The following CTNNA3 variants were observed in gnomAD, a reference collection of about 807,000 sequenced individuals.
The protein encoded by CTNNA3 is catenin alpha-3.
A neutral mutation model predicts 95.7 loss-of-function variants in CTNNA3; 76 were observed. The observed-to-expected ratio is 0.79, with a 90% CI of 0.66 to 0.96. CTNNA3 has a LOEUF of 0.96. Among genes scored for constraint, CTNNA3 ranks in the 40% least tolerant of loss-of-function variants. CTNNA3 has a pLI of 0.00. For missense variants in CTNNA3, 1,191 were observed against 1,089.8 expected, an observed-to-expected ratio of 1.09 and a Z score of -1.31; for synonymous variants, 431 against 374.4, an observed-to-expected ratio of 1.15 and a Z score of -1.74.
chr10:66,440,889 G>A (rs553348655), intron 11 of CTNNA3, among the ~76,000 whole-genome samples: 9 of 152,132 alleles, frequency 5.9e-5, no homozygotes, highest in Non-Finnish European at 1.2e-4. Flanking sequence ...AAACATGTCT[G>A]TTTCTCTAAG....
intron 1 of CTNNA3, among the ~76,000 whole-genome samples, chr10:67,681,112 T>C (rs1436743934): frequency 2.0e-5 from 3 of 152,186 alleles, no homozygotes; most frequent in Admixed American, 2.0e-4. Context: ...AAATTGAACA[T>C]TACAGAAGTG....
intron 7 of CTNNA3, among the ~76,000 whole-genome samples, chr10:67,161,976 T>G (rs1274254850): frequency 6.6e-6 from 1 of 152,012 alleles, no homozygotes; most frequent in Non-Finnish European, 1.5e-5. Flanking sequence ...CAAGAAGACA[T>G]AGCTAGCCTA....
At chr10:67,091,556 A>C (rs1216567679) in intron 7 of CTNNA3, among the ~76,000 whole-genome samples, 2 of 152,088 alleles carry the variant, frequency 1.3e-5, no homozygotes, top group East Asian at 3.9e-4. Context: ...CATTTAAATT[A>C]AAAATATAGC....
intron 1 of CTNNA3, among the ~76,000 whole-genome samples, chr10:67,650,887 C>G (rs1019945044): frequency 6.6e-6 from 1 of 152,062 alleles, no homozygotes; most frequent in Admixed American, 6.5e-5. Context: ...GGTTGCCATT[C>G]CCTCACAAAT....
intron 11 of CTNNA3, among the ~76,000 whole-genome samples, chr10:66,440,326 T>G (rs2093366563): frequency 6.6e-6 from 1 of 152,190 alleles, no homozygotes; most frequent in Non-Finnish European, 1.5e-5. Context: ...TCATTTTCTA[T>G]TTCAGATTTG....
intron 9 of CTNNA3, among the ~76,000 whole-genome samples, chr10:66,755,659 T>C (rs1009791956): frequency 6.6e-6 from 1 of 152,110 alleles, no homozygotes; most frequent in African/African-American, 2.4e-5. Context: ...ACTCAGTAAA[T>C]CCGCTTCTGG....
intron 6 of CTNNA3, among the ~76,000 whole-genome samples, chr10:67,195,412 C>G (rs879472343): frequency 6.6e-6 from 1 of 150,602 alleles, no homozygotes; most frequent in Non-Finnish European, 1.5e-5. Context: ...GCTGCTGAAG[C>G]CTTTATTCCA....
At chr10:67,370,860 G>GTTT (rs897049286) in intron 5 of CTNNA3, among the ~76,000 whole-genome samples, 7 of 144,562 alleles carry the variant, frequency 4.8e-5, no homozygotes, top group African/African-American at 1.9e-4. Flanking sequence ...TTAAGAGGAA[G>GTTT]TTTTTTTTGT....
intron 7 of CTNNA3, among the ~76,000 whole-genome samples, chr10:67,027,559 C>T (rs761993263): frequency 4.6e-5 from 7 of 151,246 alleles, no homozygotes; most frequent in South Asian, 4.2e-4. Flanking sequence ...CTCAGCCTTC[C>T]GAGTAGCTGA....
At chr10:67,481,786 T>C (rs948415451) in intron 5 of CTNNA3, among the ~76,000 whole-genome samples, 3 of 152,166 alleles carry the variant, frequency 2.0e-5, no homozygotes, top group East Asian at 1.9e-4. Flanking sequence ...GCTTTTGTTG[T>C]CATTGCTTTT....
intron 13 of CTNNA3, among the ~76,000 whole-genome samples, chr10:66,239,503 T>G (rs2090010514): frequency 6.6e-6 from 1 of 151,960 alleles, no homozygotes; most frequent in Non-Finnish European, 1.5e-5. Flanking sequence ...TGAAAAAGCC[T>G]AATAGATTAG....
chr10:66,596,222 T>C lies in CTNNA3; in HGVS notation c.1374+25470A>G, dbSNP rs574966756. ...CTCAACAACTGGCCATAAATCCCAC[T>C]GGCTGGTTCATGATGGTCTCCACTA... On this transcript the variant is annotated intron_variant, in intron 10 of 17. Coordinates refer to ENST00000433211, the MANE Select transcript of CTNNA3 (RefSeq NM_013266.4). Among the ~76,000 whole-genome samples the C allele has an allele frequency of 2.4e-4, 36 of 152,184 alleles. No individual in the cohort carries two copies. The South Asian group carries it at 7.3e-3, about 31-fold the overall frequency.
chr10:66,125,248 T>G (rs1282879998), intron 13 of CTNNA3, among the ~76,000 whole-genome samples: 2 of 152,124 alleles, frequency 1.3e-5, no homozygotes, highest in African/African-American at 4.8e-5. Context: ...TAACATTTGT[T>G]CAAAATAATA....
chr10:66,820,716 T>C (rs376302185), intron 7 of CTNNA3, among the ~76,000 whole-genome samples: 23 of 151,970 alleles, frequency 1.5e-4, no homozygotes, highest in African/African-American at 5.3e-4. Context: ...CTACTTTCTA[T>C]GGTATGGTTT....
intron 13 of CTNNA3, among the ~76,000 whole-genome samples, chr10:66,131,510 A>G (rs1257952642): frequency 6.6e-6 from 1 of 152,312 alleles, no homozygotes; most frequent in East Asian, 1.9e-4. Flanking sequence ...TATTTCTATC[A>G]AACTACCAAT....
chr10:67,129,944 AAG>A lies in CTNNA3; in HGVS notation c.1047+50371_1047+50372del, dbSNP rs145306561. ...ATTCTGAAAAATAAATCTTGACTAGAAGAGAGTTATCTAGGATCCATATAGAA... is the reference window on the plus strand; with the variant it reads ...ATTCTGAAAAATAAATCTTGACTAGAAGAGTTATCTAGGATCCATATAGAA... On this transcript the variant is annotated intron_variant, in intron 7 of 17. Coordinates refer to ENST00000433211, the MANE Select transcript of CTNNA3 (RefSeq NM_013266.4). Among the ~76,000 whole-genome samples the A allele has an allele frequency of 7.4e-3, 1,134 of 152,238 alleles. 12 individuals carry two copies. The highest frequency in any genetic ancestry group is 0.019 in the African/African-American group (782 of 41,540).
chr10:67,593,529 G>T (rs1245023978), intron 3 of CTNNA3, among the ~76,000 whole-genome samples: 2 of 152,076 alleles, frequency 1.3e-5, no homozygotes, highest in Admixed American at 6.6e-5. Context: ...TATTGTGAAT[G>T]GATTGTATTC....
chr10:67,116,528 T>G (rs1859197394), intron 7 of CTNNA3, among the ~76,000 whole-genome samples: 1 of 151,734 alleles, frequency 6.6e-6, no homozygotes, highest in Non-Finnish European at 1.5e-5. Flanking sequence ...ATGTAGAATT[T>G]TGCCTCTCCA....
chr10:66,591,519 A>G (rs1289060130), intron 10 of CTNNA3, among the ~76,000 whole-genome samples: 1 of 152,110 alleles, frequency 6.6e-6, no homozygotes, highest in Admixed American at 6.6e-5. Flanking sequence ...CTGTTCTTAA[A>G]GCAACCCATT....
Sources: gnomAD v4.1 joint callset for allele counts (sites outside exome capture counted in the v4.1 genomes callset) on GRCh38, gnomAD v4.1.1 for gene constraint, MANE v1.5 for transcripts, NCBI Gene and HGNC (gene_info 2026-07-23, HGNC 2026-07-21) for gene names.